The following TASOR variants were observed in gnomAD, a reference collection of about 807,000 sequenced individuals.
TASOR encodes the protein transcription activation suppressor.
TASOR carries 53 observed loss-of-function variants against 178.6 expected under a neutral mutation model. The observed-to-expected ratio is 0.30, with a 90% CI of 0.24 to 0.37. TASOR has a LOEUF of 0.37. Among genes scored for constraint, TASOR ranks in the 10% least tolerant of loss-of-function variants. The pLI is 1.00. For synonymous variants in TASOR, 713 were observed against 696.2 expected (o/e 1.02, Z -0.38); for missense variants, 1,815 against 1,971.4 (o/e 0.92, Z 1.50).
At position 56,656,781 on chromosome 3, in the gene TASOR, G is replaced by A. The variant is rs553204413; in HGVS notation, c.1368+3950C>T. 5.3e-5 allele frequency among the ~76,000 whole-genome samples: 8 copies of A among 152,062 alleles called. No homozygotes were observed. In the South Asian group the frequency reaches 1.7e-3, roughly 32 times the overall value. ...AATCCCAGCACTTTGGGAGGTCGAG[G>A]CAGGCAGATGATGAGGTCAGGAGTT... On this transcript the variant is annotated intron_variant, in intron 11 of 23. Coordinates refer to ENST00000683822, the MANE Select transcript of TASOR (RefSeq NM_001365635.2).
At chr3:56,640,827 T>C (rs2077106042) in intron 15 of TASOR, among the ~76,000 whole-genome samples, 1 of 152,166 alleles carries the variant, frequency 6.6e-6, no homozygotes, top group Non-Finnish European at 1.5e-5. Flanking sequence ...ACATATATCA[T>C]AAATATACTG....
At position 56,620,872 on chromosome 3, in the gene TASOR, G is replaced by C. The variant is rs1168944195; in HGVS notation, c.*2165C>G. Reference sequence around the variant, plus strand: ...AGTCAAGATAAAATACTGGATGTTGGCCAGGAGCAGTGGCTCAAGCCTGTA... The same window carrying C: ...AGTCAAGATAAAATACTGGATGTTGCCCAGGAGCAGTGGCTCAAGCCTGTA... On this transcript the variant is annotated 3_prime_UTR_variant, in exon 24 of 24. Coordinates refer to ENST00000683822, the MANE Select transcript of TASOR (RefSeq NM_001365635.2). 2.6e-5 allele frequency: 4 copies of C among 152,688 alleles called. No homozygotes were observed. The highest frequency in any genetic ancestry group is 1.3e-4 in the Admixed American group (2 of 15,284). The allele number at this position is 152,688 out of a possible 1,614,324, so 9.5% of individuals were successfully genotyped here.
At chr3:56,655,082 AC>A (rs1454564014) in intron 11 of TASOR, among the ~76,000 whole-genome samples, 2 of 152,228 alleles carry the variant, frequency 1.3e-5, no homozygotes, top group African/African-American at 4.8e-5. Context: ...CTGACCCAAA[AC>A]AAAAACCATC....
chr3:56,671,647 T>C lies in TASOR; in HGVS notation c.523A>G (p.Lys175Glu). The C allele has an allele frequency of 6.5e-7, 1 of 1,550,016 alleles. No homozygotes were observed. Among genetic ancestry groups the C allele is most frequent in the Non-Finnish European group, 8.7e-7 (1 of 1,146,156 alleles). The change falls in exon 3 of 24, where the codon AAG becomes GAG. Residue 175 changes from lysine to glutamate, a missense_variant. This residue lies in a region of TASOR where 504 missense variants were observed against 645.3 expected (regional missense o/e 0.78). Transcript: ENST00000683822. ...AATGCATAGGATTCTGAAAGTTCCT[T>C]ATCTAAACGACCATCAAACTTCAGT... ...RELKFDGRLD[K>E]ELSESYAFLM...
At position 56,624,843 on chromosome 3, in the gene TASOR, T is replaced by C. The variant is rs2291498; in HGVS notation, c.4303A>G (p.Ile1435Val). ...CTCTCTTTACCTGTTAAAAAGACTA[T>C]GTGTCGTTGCTGTATGTTCTGAGCC... ...LQAQNIQQRHIVFLTEKNIKM... is the reference protein window; with the variant it reads ...LQAQNIQQRHVVFLTEKNIKM... The change falls in exon 22 of 24, where the codon ATA becomes GTA. Residue 1435 changes from isoleucine to valine, a missense_variant. Physicochemically the swap from Ile to Val is conservative, Grantham distance 29. This residue lies in a region of TASOR where 134 missense variants were observed against 195.2 expected (regional missense o/e 0.69). Transcript: ENST00000683822. The C allele has an allele frequency of 0.14, 221,408 of 1,613,646 alleles. 21,943 individuals carry two copies. The highest frequency in any genetic ancestry group is 0.39 in the South Asian group (35,126 of 91,054).
chr3:56,674,201 TAAAAAAAAAAA>T (rs11348732), intron 1 of TASOR, among the ~76,000 whole-genome samples: 1 of 111,848 alleles, frequency 8.9e-6, no homozygotes, highest in Non-Finnish European at 1.8e-5. Context: ...TCTTTAAGTT[TAAAAAAAAAAA>T]AAAAAAAAAA....
intron 23 of TASOR, 121 bp downstream of exon 23, chr3:56,624,358 C>A (rs2076752679): frequency 2.2e-6 from 2 of 919,990 alleles, no homozygotes; most frequent in Non-Finnish European, 3.3e-6. Flanking sequence ...AAACACTTTC[C>A]CTATGGCTGT....
Position 56,641,755 on chromosome 3 carries a change from G to T in TASOR, c.2216-3C>A. On this transcript the variant is annotated splice_polypyrimidine_tract_variant and splice_region_variant and intron_variant, in intron 14 of 23. Transcript: ENST00000683822. ...TGAGCCAATAGGCTGTGGAGACTCT[G>T]AGAAAAAGGAAGTCATTGGTTGAAG... 6.3e-7 allele frequency: 1 copy of T among 1,582,508 alleles called. No individual in the cohort carries two copies. The highest frequency in any genetic ancestry group is 2.3e-5 in the East Asian group (1 of 44,344).
intron 11 of TASOR, among the ~76,000 whole-genome samples, chr3:56,650,755 T>C (rs1578239940): frequency 2.6e-5 from 4 of 152,324 alleles, no homozygotes; most frequent in South Asian, 2.1e-4. Context: ...TGCTGACATA[T>C]AGTATTGGCC....
Position 56,623,390 on chromosome 3 carries a change from C to G in TASOR, c.4660G>C (p.Asp1554His). The part of the protein sequence containing the change: ...NTQIELQSSP[D>H]VQNSLLEDKT... ...TCTTCTAATAAACTGTTTTGCACAT[C>G]AGGAGACGATTGCAACTCAATTTGA... Residue 1554 changes from aspartate (D) to histidine (H), a missense_variant, in exon 24 of 24, where the codon GAT becomes CAT. Physicochemically the swap from Asp to His is moderately conservative, Grantham distance 81 (BLOSUM62 -1). Transcript: ENST00000683822. 6.2e-7 allele frequency: 1 copy of G among 1,613,712 alleles called. No homozygotes were observed. Among genetic ancestry groups the G allele is most frequent in the Non-Finnish European group, 8.5e-7 (1 of 1,179,948 alleles).
chr3:56,674,345 TA>T (rs71294724), intron 1 of TASOR, among the ~76,000 whole-genome samples: 2,457 of 135,148 alleles, frequency 0.018, 56 homozygotes, highest in African/African-American at 0.05. Flanking sequence ...TACAAACCAT[TA>T]AAAAAAAAAA....
chr3:56,641,874 T>C (rs770811864), intron 14 of TASOR, 122 bp from the exon 15 acceptor site: 15 of 985,356 alleles, frequency 1.5e-5, no homozygotes, highest in Non-Finnish European at 2.2e-5. Flanking sequence ...CCAATTTGCT[T>C]AGACTTTACA....
At chr3:56,638,809 A>T in intron 16 of TASOR, 44 bp from the exon 17 acceptor site, 1 of 1,546,460 alleles carries the variant, frequency 6.5e-7, no homozygotes, top group Non-Finnish European at 8.9e-7. Flanking sequence ...CATTAGTGAT[A>T]CCTACACTAA....
intron 14 of TASOR, among the ~76,000 whole-genome samples, chr3:56,646,165 A>G (rs2077233964): frequency 6.6e-6 from 1 of 152,172 alleles, no homozygotes; most frequent in South Asian, 2.1e-4. Context: ...ATAAAGGAAT[A>G]TAAAAGGACA....
chr3:56,665,268 T>G (rs115888815), intron 7 of TASOR, among the ~76,000 whole-genome samples: 1 of 152,214 alleles, frequency 6.6e-6, no homozygotes, highest in African/African-American at 2.4e-5. Flanking sequence ...CACTAAATAT[T>G]TGATTGGTTT....
intron 17 of TASOR, among the ~76,000 whole-genome samples, chr3:56,634,924 G>C (rs1187699889): frequency 5.9e-5 from 9 of 152,088 alleles, no homozygotes; most frequent in Non-Finnish European, 1.0e-4. Flanking sequence ...TTTAGGAAAG[G>C]ACAAAAACTC....
intron 17 of TASOR, among the ~76,000 whole-genome samples, chr3:56,634,362 T>C (rs1415676403): frequency 6.6e-6 from 1 of 152,240 alleles, no homozygotes; most frequent in Non-Finnish European, 1.5e-5. Flanking sequence ...TAATATCTAC[T>C]ATGGTAATGG....
In TASOR at chr3:56,646,564, C is replaced by A; in HGVS notation, c.2173G>T (p.Ala725Ser). 6.2e-7 allele frequency: 1 copy of A among 1,607,968 alleles called. No homozygotes were observed. The highest frequency in any genetic ancestry group is 8.5e-7 in the Non-Finnish European group (1 of 1,178,624). Reference protein sequence around the residue: ...EDLPENMRKLAKTSNLSENCH... With the variant: ...EDLPENMRKLSKTSNLSENCH... ...TTTTCAGATAAATTACTGGTTTTGG[C>A]GAGCTTTCTCATATTTTCAGGTAGA... is the stretch of plus-strand genomic sequence containing the variant. The change falls in exon 14 of 24, where the codon GCC (alanine) becomes TCC (serine). Residue 725 changes from alanine (A) to serine (S), a missense_variant. This residue lies in a region of TASOR where 655 missense variants were observed against 671.1 expected (regional missense o/e 0.98). Transcript: ENST00000683822.
intron 3 of TASOR, among the ~76,000 whole-genome samples, chr3:56,670,661 C>G (rs2030586132): frequency 6.6e-6 from 1 of 152,126 alleles, no homozygotes; most frequent in South Asian, 2.1e-4. Flanking sequence ...ACAGACCAGG[C>G]ATGGTGGCTC....
Sources: gnomAD v4.1 joint callset for allele counts (sites outside exome capture counted in the v4.1 genomes callset) on GRCh38, gnomAD v4.1.1 for gene constraint, gnomAD v4.1.1 regional missense constraint, MANE v1.5 for transcripts, NCBI Gene and HGNC (gene_info 2026-07-23, HGNC 2026-07-21) for gene names.